The following ANXA3 variants were observed in gnomAD, a reference collection of about 807,000 sequenced individuals.
The protein encoded by ANXA3 is 35-alpha calcimedin.
ANXA3 carries 46 observed loss-of-function variants against 48.8 expected under a neutral mutation model. The ratio of observed to expected loss-of-function variants is 0.94; its 90% CI spans 0.74 to 1.21. The LOEUF (loss-of-function observed/expected upper bound fraction) is 1.21, where lower values mean the gene tolerates loss of function less well. ANXA3 is among the 50% of genes most tolerant of loss of function. The probability of loss-of-function intolerance (pLI) is 0.00; values close to 1 mark genes in which losing one functional copy is unlikely to be tolerated. For missense variants in ANXA3, 383 were observed against 378.6 expected (o/e 1.01, Z -0.10); for synonymous variants, 128 against 134.7 (o/e 0.95, Z 0.35).
rs1723540313 is a variant in ANXA3, at chr4:78,601,505, TAC to T, written c.731-3_731-2del. On this transcript the variant is annotated splice_polypyrimidine_tract_variant and splice_region_variant and intron_variant, in intron 10 of 12. Coordinates refer to ENST00000264908, the MANE Select transcript of ANXA3 (RefSeq NM_005139.3). ...AAGCTGAACATTATTTGCTTTTTGTTACAGTTAATTGTGTGAGGAACACGCCG... is the reference window on the plus strand; with the variant it reads ...AAGCTGAACATTATTTGCTTTTTGTTAGTTAATTGTGTGAGGAACACGCCG... 1 of 1,613,736 alleles carries T rather than the reference TAC, an allele frequency of 6.2e-7. No individual in the cohort carries two copies. Among genetic ancestry groups the T allele is most frequent in the African/African-American group, 1.3e-5 (1 of 75,056 alleles).
chr4:78,556,828 A>G (rs892308251), intron 2 of ANXA3, among the ~76,000 whole-genome samples: 8 of 152,196 alleles, frequency 5.3e-5, no homozygotes, highest in African/African-American at 1.9e-4. Flanking sequence ...TTATTTGGGC[A>G]GGCTCTCCTG....
chr4:78,580,183 G>A (rs1161885897), intron 4 of ANXA3, among the ~76,000 whole-genome samples: 4 of 152,220 alleles, frequency 2.6e-5, no homozygotes, highest in African/African-American at 9.6e-5. Context: ...GATAGACAGT[G>A]ACTGGTGACT....
rs1560445199 is a variant in ANXA3, at chr4:78,579,120, A to G, written c.197A>G (p.Lys66Arg). The G allele has an allele frequency of 1.2e-6, 2 of 1,604,520 alleles. No individual in the cohort carries two copies. The highest frequency in any genetic ancestry group is 1.3e-5 in the African/African-American group (1 of 74,972). Residue 66 changes from lysine to arginine, a missense_variant and splice_region_variant, in exon 4 of 13, where the codon AAG (lysine) becomes AGG (arginine). Lys to Arg is a conservative substitution (Grantham distance 26). Coordinates refer to ENST00000264908, the MANE Select transcript of ANXA3 (RefSeq NM_005139.3). ...IVKEYQAAYG[K>R]ELKDDLKGDL... Reference sequence around the variant, plus strand: ...AAGGAATATCAAGCAGCATATGGAAAGGTAAGGTCACATTAACATGACAGG... The same window carrying G: ...AAGGAATATCAAGCAGCATATGGAAGGGTAAGGTCACATTAACATGACAGG...
At chr4:78,604,941 A>G (rs1383568859) in intron 12 of ANXA3, among the ~76,000 whole-genome samples, 1 of 152,234 alleles carries the variant, frequency 6.6e-6, no homozygotes, top group East Asian at 1.9e-4. Flanking sequence ...TGCATACACA[A>G]CTTCATCAGG....
chr4:78,596,435 G>A (rs1297816785), intron 9 of ANXA3, among the ~76,000 whole-genome samples: 1 of 152,218 alleles, frequency 6.6e-6, no homozygotes, highest in Non-Finnish European at 1.5e-5. Flanking sequence ...TGTTCTGGAA[G>A]CAACAACACC....
chr4:78,568,599 G>T (rs1196779154), intron 2 of ANXA3, among the ~76,000 whole-genome samples: 2 of 152,192 alleles, frequency 1.3e-5, no homozygotes, highest in Non-Finnish European at 2.9e-5. Context: ...TATCAACAGG[G>T]TTGGCACCTT....
At chr4:78,609,607 C>T (rs1199050751) in intron 12 of ANXA3, among the ~76,000 whole-genome samples, 2 of 152,300 alleles carry the variant, frequency 1.3e-5, no homozygotes, top group African/African-American at 2.4e-5. Flanking sequence ...AGTTTCCTAA[C>T]CTGTCTTTCT....
intron 5 of ANXA3, among the ~76,000 whole-genome samples, chr4:78,584,618 T>A (rs950699): frequency 6.6e-6 from 1 of 151,998 alleles, no homozygotes; most frequent in Non-Finnish European, 1.5e-5. Flanking sequence ...GGGTGCTCAA[T>A]GTATTAATTA....
chr4:78,565,934 G>T (rs1031848388), intron 2 of ANXA3, among the ~76,000 whole-genome samples: 2 of 152,170 alleles, frequency 1.3e-5, no homozygotes, highest in African/African-American at 4.8e-5. Context: ...TGAAGTCTGG[G>T]CTAGAGCTAT....
At chr4:78,599,415 C>T (rs777109438) in intron 10 of ANXA3, among the ~76,000 whole-genome samples, 13 of 152,294 alleles carry the variant, frequency 8.5e-5, no homozygotes, top group African/African-American at 1.4e-4. Flanking sequence ...ACATGAAAAA[C>T]GATCTGAGCT....
chr4:78,560,914 T>C (rs1427321965), intron 2 of ANXA3, among the ~76,000 whole-genome samples: 2 of 152,196 alleles, frequency 1.3e-5, no homozygotes, highest in Non-Finnish European at 2.9e-5. Flanking sequence ...GTTTCCAATA[T>C]ATATTCTTTT....
intron 4 of ANXA3, among the ~76,000 whole-genome samples, chr4:78,581,626 G>GA (rs1212729334): frequency 6.6e-6 from 1 of 152,246 alleles, no homozygotes; most frequent in East Asian, 1.9e-4. Flanking sequence ...TTATTTGTCA[G>GA]AAAAAATAAG....
chr4:78,603,266 C>T (rs6533821), intron 11 of ANXA3: 112,711 of 152,156 alleles, frequency 0.74, 41,957 homozygotes, highest in East Asian at 0.9. Context: ...CTATAGTCGA[C>T]GCTCATAAGC....
chr4:78,582,302 C>T lies in ANXA3; in HGVS notation c.312+12C>T, dbSNP rs759343845. Reference sequence around the variant, plus strand: ...AGAAATCCATGAAGGTATGAGCCCCCCACAAGCCATTTCTGCCCAGGGTTT... The same window carrying T: ...AGAAATCCATGAAGGTATGAGCCCCTCACAAGCCATTTCTGCCCAGGGTTT... On this transcript the variant is annotated intron_variant, in intron 5 of 12. Coordinates refer to ENST00000264908, the MANE Select transcript of ANXA3 (RefSeq NM_005139.3). The T allele has an allele frequency of 1.3e-6, 2 of 1,569,426 alleles. No homozygotes were observed. Among genetic ancestry groups the T allele is most frequent in the Admixed American group, 3.4e-5 (2 of 59,548 alleles).
chr4:78,586,531 T>C lies in ANXA3; in HGVS notation c.403+181T>C, dbSNP rs1723182897. ...TTCCAGGAAAAATTGGAATATGATC[T>C]GAGCTAGAGACTGCTACATAACAAT... On this transcript the variant is annotated intron_variant, in intron 6 of 12. Transcript: ENST00000264908. Among the ~76,000 whole-genome samples, 2 of 152,248 alleles carry C rather than the reference T, an allele frequency of 1.3e-5. 1 individual carries two copies. The highest frequency in any genetic ancestry group is 4.1e-4 in the South Asian group (2 of 4,824).
intron 3 of ANXA3, among the ~76,000 whole-genome samples, chr4:78,577,956 A>G (rs1722990186): frequency 6.6e-6 from 1 of 152,104 alleles, no homozygotes; most frequent in African/African-American, 2.4e-5. Flanking sequence ...TTTTGCTTAC[A>G]AACAATTCAT....
intron 5 of ANXA3, among the ~76,000 whole-genome samples, chr4:78,585,177 G>A (rs1219039853): frequency 1.3e-5 from 2 of 152,322 alleles, no homozygotes; most frequent in Non-Finnish European, 2.9e-5. Flanking sequence ...TTTCTCTATG[G>A]CTACCCAAAG....
intron 6 of ANXA3, among the ~76,000 whole-genome samples, chr4:78,591,105 A>C (rs1723285645): frequency 2.0e-5 from 3 of 152,256 alleles, no homozygotes; most frequent in Non-Finnish European, 4.4e-5. Context: ...TGAATAACTA[A>C]GTTATAGAAC....
Position 78,602,982 on chromosome 4 carries a change from C to T in ANXA3, c.790-1295C>T, listed in dbSNP as rs575207545. ...TCTCTGGAATGCTCATCCTCTAGAT[C>T]TTTACCTAGCTGACTCCTTCTCATC... On this transcript the variant is annotated intron_variant, in intron 11 of 12. Transcript: ENST00000264908. The T allele has an allele frequency of 3.9e-5, 6 of 152,554 alleles. No homozygotes were observed. The East Asian group carries it at 1.2e-3, about 29-fold the overall frequency. 9.5% of individuals were successfully genotyped at this position (152,554 alleles called of 1,614,324 possible).
Sources: gnomAD v4.1 joint callset for allele counts (sites outside exome capture counted in the v4.1 genomes callset) on GRCh38, gnomAD v4.1.1 for gene constraint, MANE v1.5 for transcripts, NCBI Gene and HGNC (gene_info 2026-07-23, HGNC 2026-07-21) for gene names.